FAT1: variants seen among roughly 807,000 people sequenced by gnomAD.
FAT1 encodes FAT atypical cadherin 1.
A neutral mutation model predicts 329.8 loss-of-function variants in FAT1; 171 were observed. That is an observed-to-expected ratio of 0.52 (90% CI 0.46 to 0.59). The LOEUF is 0.59. Among genes scored for constraint, FAT1 ranks in the 20% least tolerant of loss-of-function variants. FAT1 has a pLI of 0.00. For missense variants in FAT1, 5,672 were observed against 5,774.4 expected (o/e 0.98, Z 0.57); for synonymous variants, 2,233 against 2,228.6 (o/e 1.00, Z -0.06).
At chr4:186,612,549 C>T (rs1231229612) in intron 13 of FAT1, among the ~76,000 whole-genome samples, 3 of 152,074 alleles carry the variant, frequency 2.0e-5, no homozygotes, top group Non-Finnish European at 4.4e-5. Flanking sequence ...GGATACTCAA[C>T]TGATAAGTAC....
chr4:186,650,329 A>C (rs994687963), intron 3 of FAT1, among the ~76,000 whole-genome samples: 1 of 152,218 alleles, frequency 6.6e-6, no homozygotes, highest in Non-Finnish European at 1.5e-5. Flanking sequence ...TTTCCTCTCC[A>C]TAACAGAAAA....
chr4:186,590,336 G>C (rs765078980), intron 26 of FAT1: 3 of 1,273,734 alleles, frequency 2.4e-6, no homozygotes, highest in South Asian at 1.2e-5. Context: ...TTTTTAGTGA[G>C]TATCAATGAA....
intron 2 of FAT1, among the ~76,000 whole-genome samples, chr4:186,677,422 C>G (rs527650460): frequency 6.6e-6 from 1 of 152,018 alleles, no homozygotes; most frequent in East Asian, 1.9e-4. Flanking sequence ...GGCTAAGAAT[C>G]TTCGTTAAGG....
chr4:186,703,396 C>T (rs757285028), intron 2 of FAT1, among the ~76,000 whole-genome samples: 4 of 152,188 alleles, frequency 2.6e-5, no homozygotes, highest in African/African-American at 4.8e-5. Context: ...AAGGAAAGAT[C>T]TTAAAATAGA....
intron 2 of FAT1, among the ~76,000 whole-genome samples, chr4:186,688,662 CAAAAAAA>C (rs1743603921): frequency 1.5e-5 from 2 of 131,934 alleles, no homozygotes; most frequent in African/African-American, 3.1e-5. Flanking sequence ...CGCCCCCCCC[CAAAAAAA>C]CACACACCCT....
chr4:186,598,035 C>T lies in FAT1; in HGVS notation c.12194G>A (p.Gly4065Asp), dbSNP rs1160858792. The change falls in exon 23 of 27, where the codon GGC becomes GAC. Residue 4065 changes from glycine to aspartate, a missense_variant. Around this residue, in one of 2 missense-constraint regions of FAT1, gnomAD observed 1,706 missense variants for 1,859.1 expected, o/e 0.92. Coordinates refer to ENST00000441802, the MANE Select transcript of FAT1 (RefSeq NM_005245.4). ...PCSSKPCLYG[G>D]TCVVDNGGFV... is the part of the protein sequence containing the mutation. ...GCCTCCGTTGTCGACAACACACGTG[C>T]CCCCATAGAGGCATGGCTTGGAGGA... 9 of 1,613,742 alleles carry T rather than the reference C, an allele frequency of 5.6e-6. No individual in the cohort carries two copies. The highest frequency in any genetic ancestry group is 3.4e-6 in the Non-Finnish European group (4 of 1,179,832).
chr4:186,610,637 T>TTTATATAAATATAAATATAAA, intron 14 of FAT1, among the ~76,000 whole-genome samples: 1 of 112,152 alleles, frequency 8.9e-6, no homozygotes, highest in East Asian at 3.2e-4. Context: ...AATTATATAA[T>TTTATATAAATATAAATATAAA]TTATATAATT....
At chr4:186,623,665 TC>T (rs1740155288) in intron 9 of FAT1, among the ~76,000 whole-genome samples, 2 of 152,156 alleles carry the variant, frequency 1.3e-5, no homozygotes, top group African/African-American at 4.8e-5. Flanking sequence ...CAAAACTTGC[TC>T]CCTGCCCTCC....
intron 2 of FAT1, among the ~76,000 whole-genome samples, chr4:186,700,020 C>G (rs1211423334): frequency 6.6e-6 from 1 of 152,142 alleles, no homozygotes; most frequent in Non-Finnish European, 1.5e-5. Context: ...AAAAACAGTT[C>G]CCTGGCAAGG....
At chr4:186,605,266 G>C (rs1739054948) in intron 17 of FAT1, among the ~76,000 whole-genome samples, 1 of 146,546 alleles carries the variant, frequency 6.8e-6, no homozygotes, top group Non-Finnish European at 1.5e-5. Context: ...GGAGGAGTGG[G>C]GAGGAGAAAG....
chr4:186,696,650 T>C (rs1744055370), intron 2 of FAT1, among the ~76,000 whole-genome samples: 1 of 152,100 alleles, frequency 6.6e-6, no homozygotes, highest in Non-Finnish European at 1.5e-5. Flanking sequence ...ACAAATGCAT[T>C]TTGGAGAATC....
intron 7 of FAT1, among the ~76,000 whole-genome samples, chr4:186,631,844 C>G (rs1462805031): frequency 4.0e-5 from 6 of 151,546 alleles, no homozygotes; most frequent in Non-Finnish European, 8.8e-5. Context: ...CACTGTCCAG[C>G]TGATTCCTGT....
chr4:186,699,175 G>T (rs997680634), intron 2 of FAT1, among the ~76,000 whole-genome samples: 1 of 151,920 alleles, frequency 6.6e-6, no homozygotes, highest in Non-Finnish European at 1.5e-5. Context: ...TGATTAAGAA[G>T]AAAAAGCTTA....
chr4:186,695,760 AAC>A (rs34932295), intron 2 of FAT1, among the ~76,000 whole-genome samples: 14,836 of 141,134 alleles, frequency 0.11, 967 homozygotes, highest in African/African-American at 0.2. Context: ...TTATATATAA[AAC>A]ACACACACAC....
intron 3 of FAT1, among the ~76,000 whole-genome samples, chr4:186,645,347 T>G (rs1741301439): frequency 7.6e-6 from 1 of 131,900 alleles, no homozygotes; most frequent in Non-Finnish European, 1.6e-5. Context: ...GGTATTATGC[T>G]TTAATAGATA....
chr4:186,622,865 T>C (rs993370136), intron 9 of FAT1, among the ~76,000 whole-genome samples: 2 of 152,196 alleles, frequency 1.3e-5, no homozygotes, highest in South Asian at 2.1e-4. Context: ...CTATTATACT[T>C]ACCCAAAACA....
intron 1 of FAT1, among the ~76,000 whole-genome samples, chr4:186,715,131 C>T (rs140411670): frequency 6.8e-6 from 1 of 147,658 alleles, no homozygotes; most frequent in Admixed American, 6.6e-5. Flanking sequence ...CCCCTCCATC[C>T]CCCCACCAGA....
At chr4:186,660,600 C>A (rs889177052) in intron 3 of FAT1, among the ~76,000 whole-genome samples, 3 of 152,198 alleles carry the variant, frequency 2.0e-5, no homozygotes, top group Non-Finnish European at 4.4e-5. Context: ...GCCCTGCCAG[C>A]GGAGTGCCTG....
chr4:186,606,331 G>A, intron 16 of FAT1, 118 bp from the exon 17 acceptor site: 2 of 1,050,668 alleles, frequency 1.9e-6, no homozygotes. Flanking sequence ...ACTATCTGTT[G>A]CATCCTGCCT....
Sources: allele counts gnomAD v4.1 joint callset (sites outside exome capture counted in the v4.1 genomes callset), GRCh38; gene constraint gnomAD v4.1.1; regional missense constraint gnomAD v4.1.1; transcripts MANE v1.5; gene names NCBI Gene and HGNC (gene_info 2026-07-23, HGNC 2026-07-21).